The following GRID2 variants were observed in gnomAD, a reference collection of about 807,000 sequenced individuals.
GRID2 encodes the protein glutamate ionotropic receptor delta type subunit 2, also known as glutamate receptor ionotropic, delta-2.
GRID2 carries 33 observed loss-of-function variants against 114.8 expected under a neutral mutation model. The ratio of observed to expected loss-of-function variants is 0.29; its 90% CI spans 0.22 to 0.38. The LOEUF is 0.38. Among genes scored for constraint, GRID2 ranks in the 10% least tolerant of loss-of-function variants. GRID2 has a pLI of 1.00. For missense variants in GRID2, 1,184 were observed against 1,257.7 expected (o/e 0.94, Z 0.89); for synonymous variants, 505 against 449.9 (o/e 1.12, Z -1.55).
chr4:93,485,492 G>A (rs1346569077), intron 11 of GRID2, among the ~76,000 whole-genome samples: 3 of 151,550 alleles, frequency 2.0e-5, no homozygotes, highest in African/African-American at 7.3e-5. Flanking sequence ...TAGTTTTCTA[G>A]AAGCTTTATT....
chr4:93,484,072 A>G (rs1271190453), intron 11 of GRID2, among the ~76,000 whole-genome samples: 1 of 151,928 alleles, frequency 6.6e-6, no homozygotes, highest in Non-Finnish European at 1.5e-5. Context: ...TCATTATTAA[A>G]TTCACTATTC....
intron 8 of GRID2, among the ~76,000 whole-genome samples, chr4:93,361,447 C>T (rs1299488123): frequency 6.6e-6 from 1 of 150,946 alleles, no homozygotes; most frequent in Non-Finnish European, 1.5e-5. Context: ...CCATCAAAGG[C>T]TCTTTTTAAA....
intron 2 of GRID2, among the ~76,000 whole-genome samples, chr4:92,803,772 T>G (rs1446030410): frequency 6.6e-6 from 1 of 152,034 alleles, no homozygotes; most frequent in Non-Finnish European, 1.5e-5. Context: ...CATACATTCT[T>G]TTTGTATTTG....
intron 2 of GRID2, among the ~76,000 whole-genome samples, chr4:93,031,922 T>C (rs1439572787): frequency 6.6e-6 from 1 of 152,064 alleles, no homozygotes; most frequent in Non-Finnish European, 1.5e-5. Flanking sequence ...ACCTGAAAAT[T>C]TGCCAGCAGA....
chr4:92,867,539 T>C (rs1218977494), intron 2 of GRID2, among the ~76,000 whole-genome samples: 2 of 152,040 alleles, frequency 1.3e-5, no homozygotes, highest in Non-Finnish European at 2.9e-5. Context: ...GAGCAAGTGA[T>C]TATGGAACCC....
At position 93,455,911 on chromosome 4, in the gene GRID2, T is replaced by A. The variant is rs756530763; in HGVS notation, c.1795T>A (p.Ser599Thr). ...WLNPPRLQMG[S>T]MTSTTLYNSM... The stretch of plus-strand genomic sequence containing the variant: ...TAATCCCCCACGATTACAAATGGGA[T>A]CAATGACGTCTACTACTCTCTACAA... Residue 599 changes from serine (S) to threonine (T), a missense_variant, in exon 11 of 16, where the codon TCA becomes ACA. Physicochemically the swap from Ser to Thr is moderately conservative, Grantham distance 58. Coordinates refer to ENST00000282020, the MANE Select transcript of GRID2 (RefSeq NM_001510.4). 1.2e-6 allele frequency: 2 copies of A among 1,611,628 alleles called. No homozygotes were observed. The highest frequency in any genetic ancestry group is 2.2e-5 in the South Asian group (2 of 91,036).
intron 8 of GRID2, among the ~76,000 whole-genome samples, chr4:93,330,185 A>G (rs1015188229): frequency 6.6e-6 from 1 of 152,160 alleles, no homozygotes; most frequent in African/African-American, 2.4e-5. Context: ...TCAGGCTTGA[A>G]ATATCATTTA....
chr4:93,175,405 A>G (rs994769697), intron 4 of GRID2, among the ~76,000 whole-genome samples: 7 of 152,156 alleles, frequency 4.6e-5, no homozygotes, highest in Non-Finnish European at 1.0e-4. Flanking sequence ...TCCTGACCTC[A>G]AGCGATCCAC....
intron 4 of GRID2, among the ~76,000 whole-genome samples, chr4:93,126,574 C>T (rs1050646772): frequency 2.5e-5 from 3 of 118,342 alleles, no homozygotes; most frequent in Non-Finnish European, 5.1e-5. Context: ...TCATTGATAA[C>T]TATTTAATTC....
At chr4:92,467,663 A>C (rs546453664) in intron 1 of GRID2, among the ~76,000 whole-genome samples, 3 of 152,120 alleles carry the variant, frequency 2.0e-5, no homozygotes, top group Admixed American at 6.6e-5. Context: ...AAGTATGGAA[A>C]AGCATCTCTT....
chr4:92,336,108 A>G (rs1472792651), intron 1 of GRID2, among the ~76,000 whole-genome samples: 1 of 152,184 alleles, frequency 6.6e-6, no homozygotes, highest in Non-Finnish European at 1.5e-5. Flanking sequence ...ATACAAGTAC[A>G]TATGTGCATG....
At position 93,406,069 on chromosome 4, in the gene GRID2, A is replaced by T. The variant is rs555251192; in HGVS notation, c.1347+10361A>T. The stretch of plus-strand genomic sequence containing the variant: ...GATATGGCTAGGATAGAGTTATTAA[A>T]TAACTTCTTCAAGTTACAAATATGC... On this transcript the variant is annotated intron_variant, in intron 9 of 15. Coordinates refer to ENST00000282020, the MANE Select transcript of GRID2 (RefSeq NM_001510.4). Among the ~76,000 whole-genome samples the T allele has an allele frequency of 3.7e-4, 57 of 152,232 alleles. 1 individual carries two copies. Among genetic ancestry groups the T allele is most frequent in the Middle Eastern group, 3.4e-3 (1 of 294 alleles).
At chr4:92,339,533 C>A (rs551823917) in intron 1 of GRID2, among the ~76,000 whole-genome samples, 1 of 146,526 alleles carries the variant, frequency 6.8e-6, no homozygotes, top group South Asian at 2.1e-4. Context: ...TTATTATGAT[C>A]CTCATAGTAA....
intron 1 of GRID2, among the ~76,000 whole-genome samples, chr4:92,441,040 G>A (rs879203470): frequency 2.0e-5 from 3 of 151,808 alleles, no homozygotes; most frequent in Admixed American, 6.6e-5. Flanking sequence ...TTAAAGCAGC[G>A]GCAGCCGCTG....
At chr4:92,968,542 A>G (rs995607655) in intron 2 of GRID2, among the ~76,000 whole-genome samples, 3 of 151,918 alleles carry the variant, frequency 2.0e-5, no homozygotes, top group Admixed American at 1.3e-4. Context: ...GTCTAGTTTC[A>G]TTGATACATC....
At chr4:92,533,184 GTTTTTTTGT>G (rs1181965793) in intron 1 of GRID2, among the ~76,000 whole-genome samples, 3 of 142,786 alleles carry the variant, frequency 2.1e-5, no homozygotes, top group Admixed American at 1.4e-4. Flanking sequence ...ACTTTGGTGT[GTTTTTTTGT>G]TTTTTTTGTT....
chr4:93,198,343 T>C (rs576072502), intron 4 of GRID2, among the ~76,000 whole-genome samples: 8 of 152,182 alleles, frequency 5.3e-5, no homozygotes, highest in Non-Finnish European at 7.4e-5. Context: ...GGAGCAATAA[T>C]GGATGATCAT....
chr4:92,558,130 G>A (rs1726946130), intron 1 of GRID2, among the ~76,000 whole-genome samples: 1 of 151,974 alleles, frequency 6.6e-6, no homozygotes, highest in African/African-American at 2.4e-5. Flanking sequence ...AGGGAAGGTC[G>A]AATATCACAG....
chr4:93,797,015 C>T (rs954672748), intron 1 of GRID2, among the ~76,000 whole-genome samples: 2 of 152,222 alleles, frequency 1.3e-5, no homozygotes, highest in African/African-American at 4.8e-5. Flanking sequence ...GCCTACTACA[C>T]ACCTACGATG....
Sources: allele counts gnomAD v4.1 joint callset (sites outside exome capture counted in the v4.1 genomes callset), GRCh38; gene constraint gnomAD v4.1.1; transcripts MANE v1.5; gene names NCBI Gene and HGNC (gene_info 2026-07-23, HGNC 2026-07-21).